TACR1: variants seen among roughly 807,000 people sequenced by gnomAD.
TACR1 encodes tachykinin receptor 1.
TACR1 carries 25 observed loss-of-function variants against 35.8 expected under a neutral mutation model. The ratio of observed to expected loss-of-function variants is 0.70; its 90% confidence interval spans 0.51 to 0.98. The LOEUF (loss-of-function observed/expected upper bound fraction) is 0.98. TACR1 is among the 50% of genes least tolerant of loss of function. TACR1 has a pLI of 0.00. For missense variants in TACR1, 478 were observed against 522.9 expected, an observed-to-expected ratio of 0.91 and a Z score of 0.84; for synonymous variants, 195 against 206.7, an observed-to-expected ratio of 0.94 and a Z score of 0.48.
chr2:75,115,363 A>G (rs1024926525), intron 2 of TACR1, among the ~76,000 whole-genome samples: 3 of 152,178 alleles, frequency 2.0e-5, no homozygotes, highest in Non-Finnish European at 4.4e-5. Flanking sequence ...GGTTGTGGAG[A>G]AACAGGAACT....
At chr2:75,113,558 CT>C (rs1478051619) in intron 2 of TACR1, among the ~76,000 whole-genome samples, 4 of 53,666 alleles carry the variant, frequency 7.5e-5, no homozygotes, top group Non-Finnish European at 1.2e-4. Context: ...TTTTTTTTTA[CT>C]TTGTTCACTC....
At chr2:75,109,409 GAC>G (rs1673708823) in intron 2 of TACR1, among the ~76,000 whole-genome samples, 1 of 152,142 alleles carries the variant, frequency 6.6e-6, no homozygotes, top group African/African-American at 2.4e-5. Context: ...CTTGAGTAGA[GAC>G]CCCTTTAACT....
chr2:75,058,836 C>A (rs1481117731), intron 2 of TACR1, among the ~76,000 whole-genome samples: 1 of 152,222 alleles, frequency 6.6e-6, no homozygotes, highest in Non-Finnish European at 1.5e-5. Flanking sequence ...TTCCTTATAT[C>A]TCACTAGTGG....
chr2:75,113,157 C>A (rs1673783536), intron 2 of TACR1, among the ~76,000 whole-genome samples: 1 of 152,178 alleles, frequency 6.6e-6, no homozygotes, highest in South Asian at 2.1e-4. Flanking sequence ...TTCCCCTTTA[C>A]CTCCAAGCTG....
intron 1 of TACR1, among the ~76,000 whole-genome samples, chr2:75,185,466 TC>T (rs2104063418): frequency 6.6e-6 from 1 of 152,166 alleles, no homozygotes; most frequent in South Asian, 2.1e-4. Context: ...CACATGACCA[TC>T]AAAAGGTTAT....
intron 1 of TACR1, among the ~76,000 whole-genome samples, chr2:75,196,520 C>T (rs1379230929): frequency 6.6e-6 from 1 of 152,134 alleles, no homozygotes; most frequent in East Asian, 1.9e-4. Flanking sequence ...AAAGCTCTGG[C>T]ATCCGAGACC....
chr2:75,100,796 A>C (rs1673521089), intron 2 of TACR1, among the ~76,000 whole-genome samples: 1 of 152,074 alleles, frequency 6.6e-6, no homozygotes, highest in African/African-American at 2.4e-5. Flanking sequence ...ATAAGTCAAA[A>C]AATAATGTTC....
At chr2:75,192,563 T>C (rs946081795) in intron 1 of TACR1, among the ~76,000 whole-genome samples, 2 of 152,194 alleles carry the variant, frequency 1.3e-5, no homozygotes, top group Admixed American at 6.5e-5. Context: ...CCTCTAGTAT[T>C]TTCTCTTGTG....
chr2:75,192,602 C>T (rs938750016), intron 1 of TACR1, among the ~76,000 whole-genome samples: 21 of 152,138 alleles, frequency 1.4e-4, no homozygotes, highest in African/African-American at 5.1e-4. Context: ...GCTTTTCTGC[C>T]TCCAATGACA....
At chr2:75,111,114 T>C (rs546304474) in intron 2 of TACR1, among the ~76,000 whole-genome samples, 1 of 152,156 alleles carries the variant, frequency 6.6e-6, no homozygotes, top group East Asian at 1.9e-4. Context: ...TATATTATAA[T>C]CTTTTTCTCA....
At chr2:75,104,027 T>C (rs899572751) in intron 2 of TACR1, among the ~76,000 whole-genome samples, 1 of 151,866 alleles carries the variant, frequency 6.6e-6, no homozygotes, top group Non-Finnish European at 1.5e-5. Context: ...CAGAAAACAA[T>C]TGACCAAATG....
At chr2:75,139,189 T>G (rs926379700) in intron 1 of TACR1, among the ~76,000 whole-genome samples, 7 of 152,336 alleles carry the variant, frequency 4.6e-5, no homozygotes, top group Middle Eastern at 3.4e-3. Context: ...CCAGGTATCA[T>G]GTAGACTCTT....
At chr2:75,135,645 T>G (rs558940397) in intron 1 of TACR1, among the ~76,000 whole-genome samples, 15 of 152,362 alleles carry the variant, frequency 9.8e-5, no homozygotes, top group African/African-American at 3.6e-4. Context: ...GTTTATAACT[T>G]AAATAGTATT....
At chr2:75,159,192 T>C (rs766817188) in intron 1 of TACR1, among the ~76,000 whole-genome samples, 36 of 152,090 alleles carry the variant, frequency 2.4e-4, no homozygotes, top group Admixed American at 5.2e-4. Context: ...TCAGAAAGTA[T>C]ATCCTGAACA....
intron 4 of TACR1, 125 bp downstream of exon 4, chr2:75,051,126 G>C: frequency 8.3e-7 from 1 of 1,211,560 alleles, no homozygotes; most frequent in East Asian, 2.4e-5. Flanking sequence ...TGATAAGTTA[G>C]CTGCAGTCCC....
At chr2:75,065,663 T>A (rs78344165) in intron 2 of TACR1, among the ~76,000 whole-genome samples, 34 of 152,292 alleles carry the variant, frequency 2.2e-4, no homozygotes, top group African/African-American at 8.2e-4. Context: ...CATGCAGAAG[T>A]GAAGCTTGTA....
At chr2:75,064,888 T>C (rs1425246656) in intron 2 of TACR1, among the ~76,000 whole-genome samples, 1 of 152,138 alleles carries the variant, frequency 6.6e-6, no homozygotes, top group African/African-American at 2.4e-5. Context: ...ACAAAGCTCC[T>C]AGTGGTAAGT....
intron 1 of TACR1, among the ~76,000 whole-genome samples, chr2:75,194,356 A>T (rs1479714346): frequency 1.3e-5 from 2 of 152,212 alleles, no homozygotes; most frequent in Non-Finnish European, 2.9e-5. Flanking sequence ...CATTCACAGC[A>T]TCACAGCAGT....
intron 1 of TACR1, among the ~76,000 whole-genome samples, chr2:75,165,425 C>T (rs1185446227): frequency 2.6e-5 from 4 of 151,054 alleles, no homozygotes; most frequent in Non-Finnish European, 5.9e-5. Flanking sequence ...TCTCCTGCCT[C>T]AGCCTCCCGA....
Sources: gnomAD v4.1 joint callset for allele counts (sites outside exome capture counted in the v4.1 genomes callset) on GRCh38, gnomAD v4.1.1 for gene constraint, MANE v1.5 for transcripts, NCBI Gene and HGNC (gene_info 2026-07-23, HGNC 2026-07-21) for gene names.